Variants in INPP5J observed in about 807,000 individuals in gnomAD.
INPP5J encodes the protein inositol polyphosphate-5-phosphatase J.
Under a neutral mutation model 86.6 loss-of-function variants are expected in INPP5J, and 75 were observed. That is an observed-to-expected ratio of 0.87 (90% CI 0.72 to 1.05). The LOEUF (loss-of-function observed/expected upper bound fraction) is 1.05, where lower values mean the gene tolerates loss of function less well. INPP5J is among the 50% of genes least tolerant of loss of function. INPP5J has a pLI of 0.00. For missense variants in INPP5J, 1,229 were observed against 1,341.2 expected, an observed-to-expected ratio of 0.92 and a Z score of 1.31; for synonymous variants, 540 against 550.0, an observed-to-expected ratio of 0.98 and a Z score of 0.25.
intron 9 of INPP5J, 43 bp downstream of exon 9, chr22:31,128,697 C>G: frequency 6.6e-7 from 1 of 1,510,330 alleles, no homozygotes; most frequent in Non-Finnish European, 8.9e-7. Context: ...TCCCCAGGCC[C>G]AACTCGGCAT....
chr22:31,124,885 C>T lies in INPP5J; in HGVS notation c.146C>T (p.Ala49Val), dbSNP rs1921210788. The change falls in exon 2 of 13, where the codon GCC (alanine) becomes GTC (valine). Residue 49 changes from alanine to valine, a missense_variant. Physicochemically the swap from Ala to Val is moderately conservative, Grantham distance 64 (BLOSUM62 0). Coordinates refer to ENST00000331075, the MANE Select transcript of INPP5J (RefSeq NM_001284285.2). ...CAGCTCCCAGCAAAGAAGAACGCAG[C>T]CCTAGGACCCTCGGAACCAAGGTTG... ...SFQLPAKKNAALGPSEPRLAL... is the reference protein window; with the variant it reads ...SFQLPAKKNAVLGPSEPRLAL... 1.9e-6 allele frequency: 3 copies of T among 1,613,866 alleles called. No individual in the cohort carries two copies. The highest frequency in any genetic ancestry group is 2.5e-6 in the Non-Finnish European group (3 of 1,179,792).
Position 31,133,941 on chromosome 22 carries a change from G to C in INPP5J, c.2543G>C (p.Ser848Thr). ...QISLPSSELA[S>T]SSTDSSGTSS... Reference sequence around the variant, plus strand: ...TCGCTGCCTTCCTCGGAGTTGGCCAGCAGCAGCACAGACAGCTCAGGCACC... The same window carrying C: ...TCGCTGCCTTCCTCGGAGTTGGCCACCAGCAGCACAGACAGCTCAGGCACC... The change falls in exon 13 of 13, where the codon AGC (serine) becomes ACC (threonine). Residue 848 changes from serine to threonine, a missense_variant. Physicochemically the swap from Ser to Thr is moderately conservative, Grantham distance 58. Transcript: ENST00000331075. 6.2e-7 allele frequency: 1 copy of C among 1,612,728 alleles called. No individual in the cohort carries two copies.
In INPP5J at chr22:31,128,522, G is replaced by A. The variant is rs1921732656; in HGVS notation, c.2061G>A (p.Lys687=). 6.2e-7 allele frequency: 1 copy of A among 1,613,342 alleles called. No individual in the cohort carries two copies. Residue 687 remains lysine (K), a synonymous_variant, in exon 9 of 13, where the codon AAG becomes AAA. Coordinates refer to ENST00000331075, the MANE Select transcript of INPP5J (RefSeq NM_001284285.2). ...AWTDRILWKV[K]APGGGPSPSG... ...CAGACCGTATCCTATGGAAGGTCAAGGCTCCAGGTGGGGGTCCCAGCCCCT... is the reference window on the plus strand; with the variant it reads ...CAGACCGTATCCTATGGAAGGTCAAAGCTCCAGGTGGGGGTCCCAGCCCCT...
intron 1 of INPP5J, 54 bp downstream of exon 1, chr22:31,123,173 A>G: frequency 9.5e-7 from 1 of 1,057,238 alleles, no homozygotes; most frequent in Non-Finnish European, 1.3e-6. Context: ...GGTTCCACAC[A>G]CCCCCCCCAC....
Position 31,134,588 on chromosome 22 carries a change from G to A in INPP5J, c.*169G>A. ...AAAACTCAGTCCTGGCACCTCAACT[G>A]TGACAATCAGCAAAGCCCCACCCAG... On this transcript the variant is annotated 3_prime_UTR_variant, in exon 13 of 13. Transcript: ENST00000331075. 2 of 581,094 alleles carry A rather than the reference G, an allele frequency of 3.4e-6. No homozygotes were observed. Among genetic ancestry groups the A allele is most frequent in the Non-Finnish European group, 5.4e-6 (2 of 369,800 alleles). 36.0% of individuals were successfully genotyped at this position (581,094 alleles called of 1,614,324 possible). A position where few individuals can be genotyped will look rare whatever the true frequency, so the allele number is the denominator to read the frequency against.
Position 31,125,900 on chromosome 22 carries a change from C to G in INPP5J, c.1161C>G (p.Asn387Lys). The change falls in exon 2 of 13, where the codon AAC (asparagine) becomes AAG (lysine). Residue 387 changes from asparagine (N) to lysine (K), a missense_variant. Transcript: ENST00000331075. ...GGCCTGGCAGGTGCCTGAGCCCCAA[C>G]CTTCAGGCCCAAGAAGCCCCAGCCC... ...STGPGRCLSP[N>K]LQAQEAPAPV... 1 of 1,611,462 alleles carries G rather than the reference C, an allele frequency of 6.2e-7. No individual in the cohort carries two copies. The highest frequency in any genetic ancestry group is 8.5e-7 in the Non-Finnish European group (1 of 1,178,324).
intron 9 of INPP5J, among the ~76,000 whole-genome samples, chr22:31,128,934 T>TC (rs1458762393): frequency 1.3e-4 from 19 of 143,676 alleles, no homozygotes; most frequent in Admixed American, 2.8e-4. Context: ...TTTCTTTTTT[T>TC]TTTTTTTTTT....
intron 1 of INPP5J, 29 bp downstream of exon 1, chr22:31,123,148 G>A (rs934474987): frequency 1.0e-5 from 14 of 1,378,778 alleles, no homozygotes; most frequent in East Asian, 6.1e-5. Flanking sequence ...AGTGCCCCCC[G>A]CTTTCCTGAT....
rs1306941103 is a variant in INPP5J at position 31,125,225 on chromosome 22, C to A, written c.486C>A (p.Thr162=). 8.4e-6 allele frequency: 13 copies of A among 1,550,520 alleles called. No individual in the cohort carries two copies. The highest frequency in any genetic ancestry group is 1.1e-5 in the Non-Finnish European group (13 of 1,146,958). ...PVTLGPNLAP[T]SRDQKQEPPA... is the part of the protein sequence containing the mutation. The stretch of plus-strand genomic sequence containing the variant: ...CCCTGGGGCCCAATCTGGCCCCAAC[C>A]TCCAGAGACCAGAAGCAGGAGCCAC... Residue 162 remains threonine, a synonymous_variant, in exon 2 of 13, where the codon ACC becomes ACA. Coordinates refer to ENST00000331075, the MANE Select transcript of INPP5J (RefSeq NM_001284285.2).
chr22:31,130,234 G>T (rs937283544), intron 9 of INPP5J, among the ~76,000 whole-genome samples: 2 of 152,160 alleles, frequency 1.3e-5, no homozygotes, highest in Admixed American at 1.3e-4. Flanking sequence ...CCAGTTGCTT[G>T]GGAGGCTGAG....
chr22:31,133,549 TG>T (rs1862528310), intron 11 of INPP5J, 60 bp from the exon 12 acceptor site: 3 of 1,590,108 alleles, frequency 1.9e-6, no homozygotes, highest in African/African-American at 2.7e-5. Flanking sequence ...GAACTCACCT[TG>T]GGGGCTCTCA....
At position 31,133,591 on chromosome 22, in the gene INPP5J, A is replaced by T; in HGVS notation, c.2410-19A>T. On this transcript the variant is annotated intron_variant, in intron 11 of 12. Transcript: ENST00000331075. Reference sequence around the variant, plus strand: ...CCTCCCTGACCCCCAACTTAGGCTTATACCCCTGGGCCTACCAGGTAACAT... The same window carrying T: ...CCTCCCTGACCCCCAACTTAGGCTTTTACCCCTGGGCCTACCAGGTAACAT... 6.2e-7 allele frequency: 1 copy of T among 1,604,300 alleles called. No individual in the cohort carries two copies. Among genetic ancestry groups the T allele is most frequent in the South Asian group, 1.1e-5 (1 of 89,946 alleles).
At position 31,134,124 on chromosome 22, in the gene INPP5J, C is replaced by T. The variant is rs1922362535; in HGVS notation, c.2726C>T (p.Ala909Val). The T allele has an allele frequency of 1.3e-6, 2 of 1,550,470 alleles. No individual in the cohort carries two copies. The highest frequency in any genetic ancestry group is 1.4e-5 in the African/African-American group (1 of 73,060). The change falls in exon 13 of 13, where the codon GCC becomes GTC. Residue 909 changes from alanine (A) to valine (V), a missense_variant. Physicochemically the swap from Ala to Val is moderately conservative, Grantham distance 64. Transcript: ENST00000331075. ...LRPSSRERRG[A>V]SRSPSPQSRR... ...CCCTCATCCCGTGAACGCCGTGGTG[C>T]CAGCCGTAGCCCCTCACCCCAGAGC... is the stretch of plus-strand genomic sequence containing the variant.
At chr22:31,128,725 T>C (rs943879170) in intron 9 of INPP5J, 71 bp downstream of exon 9, 2 of 1,334,024 alleles carry the variant, frequency 1.5e-6, no homozygotes, top group Non-Finnish European at 2.1e-6. Context: ...CCCCTCACCA[T>C]TACCCTTTGT....
In INPP5J at chr22:31,125,601, C is replaced by G. The variant is rs202114356; in HGVS notation, c.862C>G (p.Leu288Val). Residue 288 changes from leucine to valine, a missense_variant, in exon 2 of 13, where the codon CTC (leucine) becomes GTC (valine). Coordinates refer to ENST00000331075, the MANE Select transcript of INPP5J (RefSeq NM_001284285.2). ...CTCCTTCCGAGCCCGGCCTGAGGCCCTCCACAGCAGCCCTGAGGATCCTGT... is the reference window on the plus strand; with the variant it reads ...CTCCTTCCGAGCCCGGCCTGAGGCCGTCCACAGCAGCCCTGAGGATCCTGT... ...SPSFRARPEA[L>V]HSSPEDPVLP... 5.2e-6 allele frequency: 8 copies of G among 1,550,438 alleles called. No individual in the cohort carries two copies. The highest frequency in any genetic ancestry group is 4.9e-5 in the East Asian group (2 of 40,920).
upstream of INPP5J, chr22:31,122,956 C>CG: frequency 8.6e-7 from 1 of 1,162,934 alleles, no homozygotes; most frequent in Non-Finnish European, 1.2e-6. Context: ...CACTGGTTCC[C>CG]GGGAGCGGTA....
In INPP5J at chr22:31,125,796, A is replaced by G; in HGVS notation, c.1057A>G (p.Ser353Gly). The change falls in exon 2 of 13, where the codon AGC becomes GGC. Residue 353 changes from serine to glycine, a missense_variant. Ser to Gly is a moderately conservative substitution (Grantham distance 56). Coordinates refer to ENST00000331075, the MANE Select transcript of INPP5J (RefSeq NM_001284285.2). ...KPPRSPSRSP[S>G]HSPNRSPCVP... ...ACCCCGATCACCCAGCCGTTCCCCAAGCCACTCCCCGAATCGCTCTCCCTG... is the reference window on the plus strand; with the variant it reads ...ACCCCGATCACCCAGCCGTTCCCCAGGCCACTCCCCGAATCGCTCTCCCTG... 1.9e-6 allele frequency: 3 copies of G among 1,578,372 alleles called. No homozygotes were observed. The highest frequency in any genetic ancestry group is 2.6e-6 in the Non-Finnish European group (3 of 1,162,504).
At chr22:31,129,936 A>G (rs1024156523) in intron 9 of INPP5J, among the ~76,000 whole-genome samples, 3 of 152,152 alleles carry the variant, frequency 2.0e-5, no homozygotes, top group South Asian at 2.1e-4. Context: ...AGGCTGGCGC[A>G]GTGGCTCACA....
intron 1 of INPP5J, 147 bp from the exon 2 acceptor site, chr22:31,124,698 G>A (rs1282198201): frequency 1.4e-6 from 1 of 704,272 alleles, no homozygotes; most frequent in Admixed American, 2.9e-5. Flanking sequence ...ACCTGCAGCA[G>A]AATAGATTGA....
Sources: gnomAD v4.1 joint callset for allele counts (sites outside exome capture counted in the v4.1 genomes callset) on GRCh38, gnomAD v4.1.1 for gene constraint, MANE v1.5 for transcripts, NCBI Gene and HGNC (gene_info 2026-07-23, HGNC 2026-07-21) for gene names.